ZC3H12B: variants seen among roughly 807,000 people sequenced by gnomAD.
ZC3H12B encodes the protein probable ribonuclease ZC3H12B.
ZC3H12B carries 7 observed loss-of-function variants against 43.9 expected under a neutral mutation model. The ratio of observed to expected loss-of-function variants is 0.16; its 90% CI spans 0.09 to 0.30. The LOEUF (loss-of-function observed/expected upper bound fraction) is 0.30, where lower values mean the gene tolerates loss of function less well. Among genes scored for constraint, ZC3H12B ranks in the 10% least tolerant of loss-of-function variants. The probability of loss-of-function intolerance (pLI) is 1.00; values close to 1 mark genes in which losing one functional copy is unlikely to be tolerated. For synonymous variants in ZC3H12B, 222 were observed against 241.7 expected, an observed-to-expected ratio of 0.92 and a Z score of 0.76; for missense variants, 475 against 670.2, an observed-to-expected ratio of 0.71 and a Z score of 3.22.
chrX:65,470,596 C>T (rs1481162313), intron 3 of ZC3H12B, among the ~76,000 whole-genome samples: 1 of 110,915 alleles, frequency 9.0e-6, no homozygotes, highest in Admixed American at 9.6e-5. Context: ...GGGGCTTTCC[C>T]TTGTCCCCCT....
chrX:65,321,248 AAAAG>A, the ZC3H12B span, among the ~76,000 whole-genome samples: 10 of 112,321 alleles, frequency 8.9e-5, no homozygotes, highest in African/African-American at 1.3e-4. Context: ...TCACTTAAAA[AAAAG>A]AAAGAAAGAA....
chrX:65,470,677 C>T (rs1182002355), intron 3 of ZC3H12B, among the ~76,000 whole-genome samples: 1 of 111,372 alleles, frequency 9.0e-6, no homozygotes, highest in Non-Finnish European at 1.9e-5. Context: ...AATGACCTGC[C>T]TTAGGGGGTG....
intron 3 of ZC3H12B, among the ~76,000 whole-genome samples, chrX:65,404,152 A>G (rs766001306): frequency 7.1e-5 from 8 of 111,910 alleles, no homozygotes; most frequent in Admixed American, 3.8e-4. Context: ...TTTGTTTATG[A>G]AAACCGGGTT....
chrX:65,430,961 G>T (rs1219215139), intron 3 of ZC3H12B, among the ~76,000 whole-genome samples: 1 of 111,637 alleles, frequency 9.0e-6, no homozygotes, highest in Non-Finnish European at 1.9e-5. Flanking sequence ...CACCCATTTT[G>T]TTCCTCTCCA....
At chrX:65,459,522 C>A (rs2067698626) in intron 3 of ZC3H12B, among the ~76,000 whole-genome samples, 6 of 111,733 alleles carry the variant, frequency 5.4e-5, no homozygotes, top group Admixed American at 4.7e-4. Context: ...ATCAAGTGGG[C>A]TTCATCCCTG....
the ZC3H12B span, among the ~76,000 whole-genome samples, chrX:65,227,103 C>G: frequency 9.0e-6 from 1 of 111,413 alleles, no homozygotes; most frequent in Non-Finnish European, 1.9e-5. Flanking sequence ...CACACCACAC[C>G]TATTCCAAAA....
the ZC3H12B span, among the ~76,000 whole-genome samples, chrX:65,126,003 TA>T: frequency 0.012 from 1,313 of 109,405 alleles, 18 homozygotes; most frequent in African/African-American, 0.042. Context: ...ACTATTCTAT[TA>T]ATTGTGCTAT....
chrX:65,252,908 A>T, the ZC3H12B span, among the ~76,000 whole-genome samples: 1 of 111,855 alleles, frequency 8.9e-6, no homozygotes, highest in Non-Finnish European at 1.9e-5. Context: ...CTTCCATTAG[A>T]CCTTATTTGC....
chrX:65,052,161 T>C, the ZC3H12B span, among the ~76,000 whole-genome samples: 1 of 111,157 alleles, frequency 9.0e-6, no homozygotes, highest in East Asian at 2.8e-4. Context: ...CATAATTCTT[T>C]TTCTAATTAT....
the ZC3H12B span, among the ~76,000 whole-genome samples, chrX:65,303,280 G>A: frequency 9.0e-6 from 1 of 111,422 alleles, no homozygotes; most frequent in Admixed American, 9.6e-5. Context: ...GTACCTGGAT[G>A]ATAAAATAAT....
intron 3 of ZC3H12B, among the ~76,000 whole-genome samples, chrX:65,430,731 T>G (rs1264119913): frequency 9.1e-6 from 1 of 110,444 alleles, no homozygotes; most frequent in African/African-American, 3.3e-5. Flanking sequence ...ATTTTCTTAA[T>G]TCAGTCTATC....
At chrX:65,096,344 C>T in the ZC3H12B span, among the ~76,000 whole-genome samples, 10 of 110,433 alleles carry the variant, frequency 9.1e-5, no homozygotes, top group African/African-American at 2.6e-4. Flanking sequence ...CAAACCTGCA[C>T]GTCCTGCACA....
the ZC3H12B span, among the ~76,000 whole-genome samples, chrX:65,131,006 G>T: frequency 8.9e-6 from 1 of 112,142 alleles, no homozygotes; most frequent in Non-Finnish European, 1.9e-5. Flanking sequence ...ATTAATGATG[G>T]TGGACCCTTG....
chrX:65,131,958 A>G, the ZC3H12B span, among the ~76,000 whole-genome samples: 2 of 111,505 alleles, frequency 1.8e-5, no homozygotes, highest in Non-Finnish European at 3.8e-5. Flanking sequence ...GAAGGGGTGG[A>G]AAGAAAGTAA....
chrX:65,132,482 C>G, the ZC3H12B span, among the ~76,000 whole-genome samples: 1 of 109,580 alleles, frequency 9.1e-6, no homozygotes, highest in African/African-American at 3.3e-5. Context: ...AGGGGTGTCC[C>G]ATACTTGTGG....
the ZC3H12B span, among the ~76,000 whole-genome samples, chrX:65,246,688 G>A: frequency 8.9e-6 from 1 of 112,001 alleles, no homozygotes; most frequent in Admixed American, 9.4e-5. Flanking sequence ...TAGTGCTGGG[G>A]AACTGGCTAG....
chrX:65,304,875 T>A, the ZC3H12B span, among the ~76,000 whole-genome samples: 1 of 111,620 alleles, frequency 9.0e-6, no homozygotes, highest in Non-Finnish European at 1.9e-5. Flanking sequence ...AAAGACATTT[T>A]AAAAATATTG....
the ZC3H12B span, among the ~76,000 whole-genome samples, chrX:65,270,514 G>A: frequency 1.8e-5 from 2 of 111,282 alleles, no homozygotes; most frequent in South Asian, 3.8e-4. Flanking sequence ...CAGACTTCTG[G>A]TGCAAAAATA....
the ZC3H12B span, among the ~76,000 whole-genome samples, chrX:65,075,666 G>C: frequency 8.9e-6 from 1 of 111,884 alleles, no homozygotes; most frequent in African/African-American, 3.3e-5. Context: ...GGAGGAGGGA[G>C]TATGGTGAGT....
Sources: gnomAD v4.1 joint callset for allele counts (sites outside exome capture counted in the v4.1 genomes callset) on GRCh38, gnomAD v4.1.1 for gene constraint, MANE v1.5 for transcripts, NCBI Gene and HGNC (gene_info 2026-07-23, HGNC 2026-07-21) for gene names.